The following ERC2 variants were observed in gnomAD, a reference collection of about 807,000 sequenced individuals.
The protein encoded by ERC2 is ERC protein 2.
Under a neutral mutation model 114.8 loss-of-function variants are expected in ERC2, and 42 were observed. That is an observed-to-expected ratio of 0.37 (90% CI 0.29 to 0.47). The LOEUF (loss-of-function observed/expected upper bound fraction) is 0.47. ERC2 is among the 20% of genes least tolerant of loss of function. ERC2 has a pLI of 0.99. For missense variants in ERC2, 939 were observed against 1,150.7 expected, an observed-to-expected ratio of 0.82 and a Z score of 2.66; for synonymous variants, 454 against 425.5, an observed-to-expected ratio of 1.07 and a Z score of -0.82.
intron 1 of ERC2, among the ~76,000 whole-genome samples, chr3:56,439,589 G>A (rs189779796): frequency 8.1e-4 from 124 of 152,190 alleles, no homozygotes; most frequent in Non-Finnish European, 1.3e-3. Flanking sequence ...AGTCTATTCC[G>A]TGTAGATTTT....
At chr3:55,920,655 G>A (rs1176802116) in intron 13 of ERC2, among the ~76,000 whole-genome samples, 1 of 152,006 alleles carries the variant, frequency 6.6e-6, no homozygotes, top group Admixed American at 6.6e-5. Context: ...GAACCCTTTA[G>A]TGCTTCTTTA....
At chr3:56,025,781 A>G (rs1413891882) in intron 7 of ERC2, among the ~76,000 whole-genome samples, 1 of 152,202 alleles carries the variant, frequency 6.6e-6, no homozygotes, top group East Asian at 1.9e-4. Flanking sequence ...CTAAGCATAG[A>G]CATAACACCA....
At chr3:56,112,550 G>A (rs1190211858) in intron 6 of ERC2, among the ~76,000 whole-genome samples, 1 of 151,790 alleles carries the variant, frequency 6.6e-6, no homozygotes, top group Admixed American at 6.6e-5. Context: ...CAGTCTTTAA[G>A]GAGAGTATCA....
intron 1 of ERC2, among the ~76,000 whole-genome samples, chr3:56,446,598 G>A (rs1349382237): frequency 1.3e-5 from 2 of 150,272 alleles, no homozygotes; most frequent in Admixed American, 6.6e-5. Flanking sequence ...GTCAATAGAG[G>A]GCGCATTTTC....
intron 17 of ERC2, among the ~76,000 whole-genome samples, chr3:55,667,926 G>T (rs926078812): frequency 3.3e-5 from 5 of 152,120 alleles, no homozygotes; most frequent in Non-Finnish European, 7.3e-5. Context: ...ATACTTCTTT[G>T]TCTTGCATCC....
chr3:56,192,249 C>T (rs2047836544), intron 3 of ERC2, among the ~76,000 whole-genome samples: 2 of 152,204 alleles, frequency 1.3e-5, no homozygotes, highest in Admixed American at 6.5e-5. Context: ...CACAGTGTCT[C>T]ACCCAAGGTT....
intron 17 of ERC2, among the ~76,000 whole-genome samples, chr3:55,556,663 G>A (rs1191789134): frequency 6.6e-6 from 1 of 152,304 alleles, no homozygotes; most frequent in East Asian, 1.9e-4. Context: ...GCTACCAACA[G>A]AGCCTGAGGA....
chr3:55,688,146 A>G (rs973224167), intron 16 of ERC2, among the ~76,000 whole-genome samples: 4 of 152,220 alleles, frequency 2.6e-5, no homozygotes, highest in African/African-American at 7.2e-5. Flanking sequence ...CCAAAACAGG[A>G]AAGTCCTAGC....
chr3:55,714,665 G>GTA (rs2063987436), intron 15 of ERC2, among the ~76,000 whole-genome samples: 6 of 36,680 alleles, frequency 1.6e-4, no homozygotes, highest in Non-Finnish European at 3.2e-4. Context: ...GTGTGTGTGT[G>GTA]TGTATATATA....
At chr3:56,019,705 G>A (rs1244695620) in intron 7 of ERC2, among the ~76,000 whole-genome samples, 1 of 152,152 alleles carries the variant, frequency 6.6e-6, no homozygotes, top group Non-Finnish European at 1.5e-5. Flanking sequence ...TCTGCAGCCT[G>A]AAATAAACAC....
intron 2 of ERC2, among the ~76,000 whole-genome samples, chr3:56,408,955 T>C (rs561754264): frequency 2.0e-5 from 3 of 152,322 alleles, no homozygotes; most frequent in Admixed American, 6.5e-5. Flanking sequence ...ACAAAGCAGG[T>C]GTGACGGGCA....
rs1356989294 is a variant in ERC2 at position 55,775,581 on chromosome 3, T to TAAATAAAA, written c.2565-40664_2565-40663insTTTTATTT. Among the ~76,000 whole-genome samples, 190 of 142,126 alleles carry TAAATAAAA rather than the reference T, an allele frequency of 1.3e-3. 1 individual carries two copies. Among genetic ancestry groups the TAAATAAAA allele is most frequent in the Admixed American group, 1.6e-3 (23 of 14,550 alleles). 93.2% of individuals were successfully genotyped at this position (142,126 alleles called of 152,430 possible). The stretch of plus-strand genomic sequence containing the variant: ...ATAAATAAATAAATAAATAAATAAA[T>TAAATAAAA]AAAAAAGGAAAAAGTGAGACAGACA... On this transcript the variant is annotated intron_variant, in intron 14 of 17. Coordinates refer to ENST00000288221, the MANE Select transcript of ERC2 (RefSeq NM_015576.3).
At chr3:55,731,491 G>C (rs1298103765) in intron 15 of ERC2, among the ~76,000 whole-genome samples, 1 of 152,204 alleles carries the variant, frequency 6.6e-6, no homozygotes, top group African/African-American at 2.4e-5. Context: ...ATAACTCTTT[G>C]AATTGTTAGC....
At chr3:55,833,781 G>A (rs2060731366) in intron 14 of ERC2, among the ~76,000 whole-genome samples, 1 of 152,234 alleles carries the variant, frequency 6.6e-6, no homozygotes, top group East Asian at 1.9e-4. Flanking sequence ...AATGTAAATG[G>A]ACAAAATGCT....
intron 14 of ERC2, among the ~76,000 whole-genome samples, chr3:55,761,801 G>A (rs1385981445): frequency 2.0e-5 from 3 of 150,786 alleles, no homozygotes; most frequent in African/African-American, 4.9e-5. Flanking sequence ...GCATGAACCC[G>A]AGAGTTGGAG....
At chr3:56,102,917 T>C (rs567975474) in intron 6 of ERC2, among the ~76,000 whole-genome samples, 1 of 152,324 alleles carries the variant, frequency 6.6e-6, no homozygotes, top group Admixed American at 6.5e-5. Flanking sequence ...TTTGTCACCA[T>C]TGACCAAGTT....
chr3:56,027,048 T>C (rs1482977591), intron 7 of ERC2, among the ~76,000 whole-genome samples: 1 of 152,264 alleles, frequency 6.6e-6, no homozygotes, highest in Non-Finnish European at 1.5e-5. Context: ...ACAAATGTTA[T>C]ATAAATAAAG....
intron 3 of ERC2, among the ~76,000 whole-genome samples, chr3:56,265,982 T>A (rs578203631): frequency 2.3e-4 from 35 of 150,370 alleles, no homozygotes; most frequent in African/African-American, 8.1e-4. Flanking sequence ...TGAGTTGAGA[T>A]CATGCCACTG....
chr3:55,631,941 A>G (rs981895291), intron 17 of ERC2, among the ~76,000 whole-genome samples: 1 of 152,216 alleles, frequency 6.6e-6, no homozygotes, highest in African/African-American at 2.4e-5. Flanking sequence ...CCCTCTTATC[A>G]TCTCCCCTGG....
Sources: allele counts gnomAD v4.1 joint callset (sites outside exome capture counted in the v4.1 genomes callset), GRCh38; gene constraint gnomAD v4.1.1; transcripts MANE v1.5; gene names NCBI Gene and HGNC (gene_info 2026-07-23, HGNC 2026-07-21).